GPHN: variants seen among roughly 807,000 people sequenced by gnomAD.
The protein encoded by GPHN is gephyrin.
Under a neutral mutation model 95.5 loss-of-function variants are expected in GPHN, and 17 were observed. The ratio of observed to expected loss-of-function variants is 0.18; its 90% CI spans 0.12 to 0.27. The LOEUF (loss-of-function observed/expected upper bound fraction) is 0.27. GPHN is among the 10% of genes least tolerant of loss of function. The probability of loss-of-function intolerance (pLI) is 1.00; values close to 1 mark genes in which losing one functional copy is unlikely to be tolerated. For synonymous variants in GPHN, 320 were observed against 322.5 expected (o/e 0.99, Z 0.08); for missense variants, 660 against 978.1 (o/e 0.67, Z 4.34).
At chr14:67,052,918 G>A (rs2075368758) in intron 10 of GPHN, among the ~76,000 whole-genome samples, 1 of 152,074 alleles carries the variant, frequency 6.6e-6, no homozygotes, top group Non-Finnish European at 1.5e-5. Context: ...GAGACATCAT[G>A]CCAGAACCTC....
At chr14:66,771,278 C>T (rs889910653) in intron 2 of GPHN, among the ~76,000 whole-genome samples, 4 of 152,132 alleles carry the variant, frequency 2.6e-5, no homozygotes, top group Non-Finnish European at 4.4e-5. Flanking sequence ...CTTTCATTTC[C>T]CTCCTTACCT....
At chr14:66,887,945 A>G (rs2064284267) in intron 5 of GPHN, among the ~76,000 whole-genome samples, 1 of 152,222 alleles carries the variant, frequency 6.6e-6, no homozygotes, top group South Asian at 2.1e-4. Context: ...CAAAAACACT[A>G]TAACAGACAT....
the GPHN span, chr14:67,204,480 CT>C: frequency 1.3e-6 from 2 of 1,498,034 alleles, no homozygotes; most frequent in Non-Finnish European, 8.9e-7. Context: ...TAAGAAAGGC[CT>C]TTTTATAAGC....
At chr14:67,342,489 C>A in the GPHN span, among the ~76,000 whole-genome samples, 1 of 149,616 alleles carries the variant, frequency 6.7e-6, no homozygotes, top group Non-Finnish European at 1.5e-5. Context: ...TCATTAGGCT[C>A]GACTTTACAT....
At chr14:67,398,705 TGCCACCACACCCG>T in the GPHN span, among the ~76,000 whole-genome samples, 1 of 152,148 alleles carries the variant, frequency 6.6e-6, no homozygotes, top group African/African-American at 2.4e-5. Flanking sequence ...TACAAGCGTG[TGCCACCACACCCG>T]GCTAATTTTT....
chr14:66,727,680 C>G (rs530665525), intron 2 of GPHN, among the ~76,000 whole-genome samples: 1 of 152,236 alleles, frequency 6.6e-6, no homozygotes, highest in Admixed American at 6.5e-5. Flanking sequence ...GTATCTGGCA[C>G]AATTGATTTC....
chr14:67,483,532 G>A, the GPHN span, among the ~76,000 whole-genome samples: 2,255 of 152,346 alleles, frequency 0.015, 18 homozygotes, highest in Middle Eastern at 0.031. Flanking sequence ...CTTCTAGGTG[G>A]TTCATTAACA....
the GPHN span, among the ~76,000 whole-genome samples, chr14:67,369,404 A>G: frequency 1.3e-5 from 2 of 152,256 alleles, no homozygotes; most frequent in African/African-American, 2.4e-5. Context: ...AGACAAATCT[A>G]TAATCATAGT....
the GPHN span, among the ~76,000 whole-genome samples, chr14:67,598,762 T>A: frequency 6.7e-6 from 1 of 149,160 alleles, no homozygotes; most frequent in African/African-American, 2.5e-5. Context: ...CAGGCTGGAG[T>A]GCAGTGGCGT....
intron 11 of GPHN, among the ~76,000 whole-genome samples, chr14:67,061,464 T>A (rs72715323): frequency 0.044 from 6,705 of 152,082 alleles, 190 homozygotes; most frequent in Middle Eastern, 0.068. Context: ...AATTCGTTAT[T>A]AACACTCCCT....
At chr14:67,702,254 C>A in the GPHN span, among the ~76,000 whole-genome samples, 1 of 152,090 alleles carries the variant, frequency 6.6e-6, no homozygotes, top group African/African-American at 2.4e-5. Context: ...CACACATGAG[C>A]CACCATGCCT....
chr14:67,150,169 G>A (rs967285741), intron 18 of GPHN, among the ~76,000 whole-genome samples: 17 of 152,026 alleles, frequency 1.1e-4, no homozygotes, highest in Non-Finnish European at 1.9e-4. Context: ...TTGGCCGGGC[G>A]CGGTGGCTCA....
chr14:67,029,940 T>A (rs1481927946), intron 10 of GPHN, among the ~76,000 whole-genome samples: 1 of 151,996 alleles, frequency 6.6e-6, no homozygotes, highest in African/African-American at 2.4e-5. Flanking sequence ...TCTCCTAGTG[T>A]TCCTTTTAAA....
At chr14:67,225,195 T>G in the GPHN span, 1 of 1,557,954 alleles carries the variant, frequency 6.4e-7, no homozygotes, top group South Asian at 1.2e-5. Context: ...CTCAAGGGAA[T>G]GAATGTGAGG....
chr14:67,095,966 C>CAAAAAAAAAAAAAAAAAAAAAAAAACA, intron 12 of GPHN, among the ~76,000 whole-genome samples: 1 of 67,086 alleles, frequency 1.5e-5, no homozygotes, highest in African/African-American at 4.4e-5. Context: ...AAGAAAAAGG[C>CAAAAAAAAAAAAAAAAAAAAAAAAACA]AAAAAAAAAA....
the GPHN span, among the ~76,000 whole-genome samples, chr14:67,660,559 G>A: frequency 6.6e-6 from 1 of 152,116 alleles, no homozygotes; most frequent in Non-Finnish European, 1.5e-5. Context: ...AATGATAGGG[G>A]TCTGGCATCA....
the GPHN span, among the ~76,000 whole-genome samples, chr14:67,448,816 G>A: frequency 1.3e-5 from 2 of 152,146 alleles, no homozygotes; most frequent in Non-Finnish European, 2.9e-5. Flanking sequence ...TGAGGAAAAG[G>A]CCTTAAGAAG....
chr14:67,501,044 TTAATAATAATAA>T, the GPHN span, among the ~76,000 whole-genome samples: 1,190 of 137,362 alleles, frequency 8.7e-3, 22 homozygotes, highest in East Asian at 0.093. Context: ...TACTTGGGGG[TTAATAATAATAA>T]TAATAATAAT....
chr14:67,485,229 C>T, the GPHN span, among the ~76,000 whole-genome samples: 1 of 152,184 alleles, frequency 6.6e-6, no homozygotes, highest in African/African-American at 2.4e-5. Flanking sequence ...ATCTGAGGAA[C>T]GACGTTCCCA....
Sources: gnomAD v4.1 joint callset for allele counts (sites outside exome capture counted in the v4.1 genomes callset) on GRCh38, gnomAD v4.1.1 for gene constraint, MANE v1.5 for transcripts, NCBI Gene and HGNC (gene_info 2026-07-23, HGNC 2026-07-21) for gene names.